NIPBL: variants seen among roughly 807,000 people sequenced by gnomAD.
NIPBL encodes the protein nipped-B-like protein.
In NIPBL, 19 loss-of-function variants were observed where a neutral mutation model predicts 321.8. The ratio of observed to expected loss-of-function variants is 0.06; its 90% CI spans 0.04 to 0.09. The LOEUF is 0.09. Among genes scored for constraint, NIPBL ranks in the 10% least tolerant of loss-of-function variants. The pLI is 1.00. For missense variants in NIPBL, 2,210 were observed against 3,327.0 expected, an observed-to-expected ratio of 0.66 and a Z score of 8.26; for synonymous variants, 1,106 against 1,114.1, an observed-to-expected ratio of 0.99 and a Z score of 0.14.
intron 32 of NIPBL, among the ~76,000 whole-genome samples, chr5:37,027,811 G>A (rs543484271): frequency 2.8e-4 from 43 of 151,832 alleles, no homozygotes; most frequent in South Asian, 1.0e-3. Context: ...TAGAGACGGG[G>A]TTTTACTATG....
At chr5:36,913,403 T>TTA in intron 1 of NIPBL, among the ~76,000 whole-genome samples, 1 of 148,150 alleles carries the variant, frequency 6.7e-6, no homozygotes, top group African/African-American at 2.5e-5. Context: ...TTTTTTTTTT[T>TTA]AAAAAGACAG....
intron 37 of NIPBL, 50 bp from the exon 38 acceptor site, chr5:37,046,055 AAATT>A (rs1437779190): frequency 5.5e-6 from 5 of 915,466 alleles, no homozygotes; most frequent in Admixed American, 3.6e-5. Context: ...TTATAGTTGA[AAATT>A]AATCTAAGTT....
intron 34 of NIPBL, among the ~76,000 whole-genome samples, chr5:37,040,148 TA>T (rs1295243183): frequency 6.6e-6 from 1 of 152,132 alleles, no homozygotes; most frequent in Non-Finnish European, 1.5e-5. Flanking sequence ...TGAAACCTGT[TA>T]TATATTATTT....
At chr5:37,044,146 GGTAA>G (rs768594396) in intron 34 of NIPBL, among the ~76,000 whole-genome samples, 197 bp from the exon 35 acceptor site, 2 of 151,902 alleles carry the variant, frequency 1.3e-5, no homozygotes, top group Non-Finnish European at 2.9e-5. Context: ...GTCACATTTT[GGTAA>G]GTTAGTTGTC....
At chr5:36,991,362 TAAAGG>T (rs1745493286) in intron 10 of NIPBL, among the ~76,000 whole-genome samples, 2 of 152,134 alleles carry the variant, frequency 1.3e-5, no homozygotes, top group East Asian at 1.9e-4. Context: ...TTTTTTTATA[TAAAGG>T]AAAGTACAGT....
intron 1 of NIPBL, among the ~76,000 whole-genome samples, chr5:36,905,083 AGGTTGGTTGGTT>A (rs58066881): frequency 1.3e-5 from 2 of 152,082 alleles, no homozygotes; most frequent in Non-Finnish European, 2.9e-5. Flanking sequence ...AAGCAAGTTG[AGGTTGGTTGGTT>A]GGTTGGTTGG....
intron 1 of NIPBL, among the ~76,000 whole-genome samples, chr5:36,925,821 A>G (rs1749319575): frequency 6.6e-6 from 1 of 152,082 alleles, no homozygotes. Flanking sequence ...CCTATATTCT[A>G]CTCACATTTC....
Position 36,998,736 on chromosome 5 carries a change from AC to A in NIPBL, c.3305-1636del, listed in dbSNP as rs1348937684. On this transcript the variant is annotated intron_variant, in intron 11 of 46. Transcript: ENST00000282516. ...AGGCATTTCAGTACTTGTGAAAAAA[AC>A]ATCTAAGGAATTATATATAGAAATG... Among the ~76,000 whole-genome samples, 7 of 152,280 alleles carry A rather than the reference AC, an allele frequency of 4.6e-5. No homozygotes were observed. The East Asian group carries it at 5.8e-4, about 13-fold the overall frequency.
Position 37,000,360 on chromosome 5 carries a change from G to A in NIPBL, c.3305-13G>A, listed in dbSNP as rs140787367. The A allele has an allele frequency of 1.9e-6, 3 of 1,610,564 alleles. No homozygotes were observed. In the African/African-American group the frequency reaches 4.0e-5, roughly 21 times the overall value. ...AATGAGGTAAATTATTTGTCATGGG[G>A]ATTTGCTTCTAGCCTCTAGGAAACG... On this transcript the variant is annotated splice_polypyrimidine_tract_variant and intron_variant, in intron 11 of 46. Transcript: ENST00000282516.
intron 14 of NIPBL, among the ~76,000 whole-genome samples, chr5:37,002,042 T>C (rs1746869409): frequency 6.6e-6 from 1 of 152,030 alleles, no homozygotes; most frequent in Non-Finnish European, 1.5e-5. Context: ...AATAGGATAA[T>C]ATGAGGAGGA....
At chr5:36,911,523 C>T (rs79576217) in intron 1 of NIPBL, among the ~76,000 whole-genome samples, 1,735 of 152,054 alleles carry the variant, frequency 0.011, 13 homozygotes, top group Non-Finnish European at 0.02. Flanking sequence ...TTTTTATGAC[C>T]CTTGTTATTT....
rs573370189 is a variant in NIPBL at position 37,008,978 on chromosome 5, A to T, written c.4421+255A>T. 5.9e-5 allele frequency among the ~76,000 whole-genome samples: 9 copies of T among 152,332 alleles called. No homozygotes were observed. In the South Asian group the frequency reaches 1.9e-3, roughly 32 times the overall value. On this transcript the variant is annotated intron_variant, in intron 20 of 46. Coordinates refer to ENST00000282516, the MANE Select transcript of NIPBL (RefSeq NM_133433.4). ...TGGCACTGTTGACATTTTAGGCCAT[A>T]TAACACTTTGTTATGCATAGCTGTC...
At chr5:36,929,568 C>A (rs894625558) in intron 1 of NIPBL, among the ~76,000 whole-genome samples, 1 of 151,894 alleles carries the variant, frequency 6.6e-6, no homozygotes, top group African/African-American at 2.4e-5. Flanking sequence ...TTAATGAAAT[C>A]CAGTTTATCA....
chr5:36,905,069 C>G (rs1295240158), intron 1 of NIPBL, among the ~76,000 whole-genome samples: 2 of 151,960 alleles, frequency 1.3e-5, no homozygotes, highest in African/African-American at 4.8e-5. Context: ...AAAACAAGTA[C>G]AGGAAGCAAG....
chr5:37,032,238 T>C (rs73750918), intron 32 of NIPBL, among the ~76,000 whole-genome samples: 4,961 of 152,128 alleles, frequency 0.033, 263 homozygotes, highest in African/African-American at 0.11. Context: ...ACTGAGCAAA[T>C]GTACACTAAA....
At position 36,947,853 on chromosome 5, in the gene NIPBL, CT is replaced by C. The variant is rs540615687; in HGVS notation, c.-79-5757del. On this transcript the variant is annotated intron_variant, in intron 1 of 46. Coordinates refer to ENST00000282516, the MANE Select transcript of NIPBL (RefSeq NM_133433.4). ...TCATTGTTAAAGGTTTAATAATGTT[CT>C]TTTTTTTCATGCCTAGACCATCATT... Among the ~76,000 whole-genome samples, 507 of 151,748 alleles carry C rather than the reference CT, an allele frequency of 3.3e-3. 2 individuals are homozygous for C. Among genetic ancestry groups the C allele is most frequent in the African/African-American group, 0.012 (487 of 41,428 alleles).
At chr5:36,955,684 C>G (rs1366235364) in intron 3 of NIPBL, 47 bp downstream of exon 3, 1 of 1,513,578 alleles carries the variant, frequency 6.6e-7, no homozygotes, top group African/African-American at 1.4e-5. Flanking sequence ...AAGTTTTGGC[C>G]TTACTAAGAG....
intron 1 of NIPBL, among the ~76,000 whole-genome samples, chr5:36,912,291 G>A (rs1032562238): frequency 1.3e-5 from 2 of 152,096 alleles, no homozygotes; most frequent in Admixed American, 1.3e-4. Context: ...AGGAATATAG[G>A]GAGGAGGGAG....
chr5:37,019,311 G>A lies in NIPBL; in HGVS notation c.4921G>A (p.Val1641Ile). Residue 1641 changes from valine to isoleucine, a missense_variant and splice_region_variant, in exon 25 of 47, where the codon GTT becomes ATT. Physicochemically the swap from Val to Ile is conservative, Grantham distance 29. Transcript: ENST00000282516. Reference protein sequence around the residue: ...QGSIERILKQVSGGEDEIQQL... With the variant: ...QGSIERILKQISGGEDEIQQL... ...TGTTCTTATTTGGTTTATTCTATAG[G>A]TTTCAGGAGGGGAAGATGAAATCCA... 6.2e-7 allele frequency: 1 copy of A among 1,603,836 alleles called. No individual in the cohort carries two copies. The highest frequency in any genetic ancestry group is 1.1e-5 in the South Asian group (1 of 90,858).
Sources: allele counts gnomAD v4.1 joint callset (sites outside exome capture counted in the v4.1 genomes callset), GRCh38; gene constraint gnomAD v4.1.1; transcripts MANE v1.5; gene names NCBI Gene and HGNC (gene_info 2026-07-23, HGNC 2026-07-21).